Variants in TTN observed in about 807,000 individuals in gnomAD.
TTN encodes connectin.
TTN carries 1,525 observed loss-of-function variants against 3,223.0 expected under a neutral mutation model. The observed-to-expected ratio is 0.47, with a 90% confidence interval of 0.45 to 0.49. TTN has a LOEUF of 0.49. TTN is among the 20% of genes least tolerant of loss of function. The pLI is 0.00. For synonymous variants in TTN, 14,094 were observed against 15,161.0 expected, an observed-to-expected ratio of 0.93 and a Z score of 5.17; for missense variants, 40,786 against 43,424.0, an observed-to-expected ratio of 0.94 and a Z score of 5.40.
rs900772 is a variant in TTN, at chr2:178,800,113, T to C, written c.584-203A>G. 1 allele frequency among the ~76,000 whole-genome samples: 152,191 copies of C among 152,368 alleles called. 76,007 individuals are homozygous for C. Among genetic ancestry groups the C allele is most frequent in the Middle Eastern group, 1 (294 of 294 alleles). ...TTACAAGATAAAAATTTACTTAGAATGATTTTTTAAAATTTCATTATTTGC... is the reference window on the plus strand; with the variant it reads ...TTACAAGATAAAAATTTACTTAGAACGATTTTTTAAAATTTCATTATTTGC... On this transcript the variant is annotated intron_variant, in intron 4 of 362. Coordinates refer to ENST00000589042, the MANE Select transcript of TTN (RefSeq NM_001267550.2).
At chr2:178,805,466 A>G (rs1478355508) in intron 1 of TTN, among the ~76,000 whole-genome samples, 2 of 152,148 alleles carry the variant, frequency 1.3e-5, no homozygotes, top group African/African-American at 4.8e-5. Context: ...TATAAAGTTG[A>G]CATTGATTCA....
chr2:178,785,536 G>T, intron 15 of TTN, 84 bp downstream of exon 15: 1 of 1,590,476 alleles, frequency 6.3e-7, no homozygotes. Context: ...ATCCTCCATT[G>T]GCCTACCCCA....
rs781605546 is a variant in TTN at position 178,611,018 on chromosome 2, T to G, written c.51111A>C (p.Thr17037=). 2 of 1,612,464 alleles carry G rather than the reference T, an allele frequency of 1.2e-6. No homozygotes were observed. Among genetic ancestry groups the G allele is most frequent in the East Asian group, 2.2e-5 (1 of 44,740 alleles). The change falls in exon 270 of 363, where the codon ACA becomes ACC. Residue 17037 remains threonine (T), a synonymous_variant. Transcript: ENST00000589042. ...ITLENKLGSA[T]ASINVKVIGL... ...CTATGACTTTGACATTGATTGAGGC[T>G]GTTGCTGAGCCGAGCTTATTCTCCA...
intron 42 of TTN, 67 bp downstream of exon 42, chr2:178,764,460 A>G: frequency 6.2e-7 from 1 of 1,612,614 alleles, no homozygotes; most frequent in South Asian, 1.1e-5. Context: ...TTTTAAATGC[A>G]CTGGGAAAGG....
chr2:178,787,633 G>C (rs1574838763), intron 13 of TTN, among the ~76,000 whole-genome samples: 1 of 152,032 alleles, frequency 6.6e-6, no homozygotes, highest in Non-Finnish European at 1.5e-5. Context: ...AATGATAAAA[G>C]AAACTGTCAA....
At chr2:178,588,515 C>G (rs564827168) in intron 304 of TTN, 23 bp downstream of exon 304, 1 of 1,508,104 alleles carries the variant, frequency 6.6e-7, no homozygotes, top group Non-Finnish European at 8.8e-7. Context: ...GCTGTAATAT[C>G]AGAAAAAACA....
At chr2:178,751,099 C>T (rs1355187101) in intron 47 of TTN, 1 of 1,612,862 alleles carries the variant, frequency 6.2e-7, no homozygotes, top group East Asian at 2.2e-5. Context: ...GCACAATACT[C>T]TCAGCTGAAT....
chr2:178,557,797 G>A lies in TTN; in HGVS notation c.87557C>T (p.Thr29186Ile), dbSNP rs755409023. 5 of 1,613,964 alleles carry A rather than the reference G, an allele frequency of 3.1e-6. No individual in the cohort carries two copies. Among genetic ancestry groups the A allele is most frequent in the Non-Finnish European group, 4.2e-6 (5 of 1,179,850 alleles). Reference sequence around the variant, plus strand: ...TCTTGCAACTGTTGCAGACACTTCAGTCCACACTGCAGTACTTGTTTCTCT... The same window carrying A: ...TCTTGCAACTGTTGCAGACACTTCAATCCACACTGCAGTACTTGTTTCTCT... ...LKRETSTAVW[T>I]EVSATVARTM... The change falls in exon 328 of 363, where the codon ACT becomes ATT. Residue 29186 changes from threonine to isoleucine, a missense_variant. Coordinates refer to ENST00000589042, the MANE Select transcript of TTN (RefSeq NM_001267550.2).
At chr2:178,758,038 G>C in intron 44 of TTN, 122 bp from the exon 45 acceptor site, 1 of 1,068,514 alleles carries the variant, frequency 9.4e-7, no homozygotes, top group Non-Finnish European at 1.3e-6. Flanking sequence ...CACTCCTACT[G>C]CCTTGTCCTT....
intron 40 of TTN, among the ~76,000 whole-genome samples, 191 bp from the exon 41 acceptor site, chr2:178,766,803 A>G (rs1018016790): frequency 5.3e-5 from 8 of 152,200 alleles, no homozygotes; most frequent in Non-Finnish European, 1.0e-4. Flanking sequence ...TGGTACATAA[A>G]CTTCTCTTGT....
In TTN at chr2:178,592,635, G is replaced by A; in HGVS notation, c.59370C>T (p.Ala19790=). ...TAATGTGTTGTTCTCTTGCCATGTT[G>A]GCATCAAGAATCAACTCAGGGGGTT... ...RLEPPELILD[A]NMAREQHIKV... is the part of the protein sequence containing the mutation. The change falls in exon 301 of 363, where the codon GCC becomes GCT. Residue 19790 remains alanine (A), a synonymous_variant. Coordinates refer to ENST00000589042, the MANE Select transcript of TTN (RefSeq NM_001267550.2). The A allele has an allele frequency of 6.2e-7, 1 of 1,613,050 alleles. No homozygotes were observed. Among genetic ancestry groups the A allele is most frequent in the Non-Finnish European group, 8.5e-7 (1 of 1,179,490 alleles).
chr2:178,632,536 C>G lies in TTN; in HGVS notation c.43470G>C (p.Leu14490=). The G allele has an allele frequency of 6.2e-7, 1 of 1,612,742 alleles. No individual in the cohort carries two copies. Among genetic ancestry groups the G allele is most frequent in the African/African-American group, 1.3e-5 (1 of 74,986 alleles). ...EAEDKHTSGK[L]IIEGIRLKFL... ...GATAAAACTATTTACCTTCAATGAT[C>G]AGTTTGCCACTTGTGTGCTTATCTT... Residue 14490 remains leucine (L), a synonymous_variant, in exon 235 of 363, where the codon CTG becomes CTC. Coordinates refer to ENST00000589042, the MANE Select transcript of TTN (RefSeq NM_001267550.2).
Position 178,614,492 on chromosome 2 carries a change from G to C in TTN, c.49022C>G (p.Thr16341Ser). The C allele has an allele frequency of 6.2e-7, 1 of 1,609,386 alleles. No individual in the cohort carries two copies. The highest frequency in any genetic ancestry group is 8.5e-7 in the Non-Finnish European group (1 of 1,177,404). ...IEAVNVCGRA[T>S]AVVEVNVLDK... ...TAAGACGTTCACTTCCACCACAGCAGTGGCCCGGCCACACACATTCACAGC... is the reference window on the plus strand; with the variant it reads ...TAAGACGTTCACTTCCACCACAGCACTGGCCCGGCCACACACATTCACAGC... The change falls in exon 261 of 363, where the codon ACT becomes AGT. Residue 16341 changes from threonine to serine, a missense_variant. Transcript: ENST00000589042.
In TTN at chr2:178,579,361, C is replaced by A; in HGVS notation, c.67669G>T (p.Asp22557Tyr). 2 of 1,588,724 alleles carry A rather than the reference C, an allele frequency of 1.3e-6. No homozygotes were observed. Among genetic ancestry groups the A allele is most frequent in the Non-Finnish European group, 8.5e-7 (1 of 1,169,648 alleles). ...APDLDLKGLP[D>Y]LCYLAKENSN... The stretch of plus-strand genomic sequence containing the variant: ...TTTTCTTTAGCCAAGTAGCACAAAT[C>A]AGGTAGACCCTTTAAGTCAAGATCA... Residue 22557 changes from aspartate to tyrosine, a missense_variant, in exon 320 of 363, where the codon GAT becomes TAT. Transcript: ENST00000589042.
Position 178,570,891 on chromosome 2 carries a change from C to T in TTN, c.75241G>A (p.Val25081Ile). ...LVEDHRYEFRVIARNAAGVFS... is the reference protein window; with the variant it reads ...LVEDHRYEFRIIARNAAGVFS... ...ACTCCTGCGGCATTTCGGGCTATAA[C>T]CCGGAACTCATATCTGTGATCTTCA... is the stretch of plus-strand genomic sequence containing the variant. The change falls in exon 326 of 363, where the codon GTT becomes ATT. Residue 25081 changes from valine to isoleucine, a missense_variant. Physicochemically the swap from Val to Ile is conservative, Grantham distance 29. Coordinates refer to ENST00000589042, the MANE Select transcript of TTN (RefSeq NM_001267550.2). 2 of 1,613,538 alleles carry T rather than the reference C, an allele frequency of 1.2e-6. No individual in the cohort carries two copies. The highest frequency in any genetic ancestry group is 1.7e-6 in the Non-Finnish European group (2 of 1,179,612).
rs2077909849 is a variant in TTN at position 178,718,917 on chromosome 2, G to C, written c.24283C>G (p.Leu8095Val). 6.2e-7 allele frequency: 1 copy of C among 1,612,660 alleles called. No homozygotes were observed. Among genetic ancestry groups the C allele is most frequent in the Admixed American group, 1.7e-5 (1 of 59,904 alleles). ...CCTCTGATGACACTGGTGAATGTGA[G>C]GCTCATTCCAGGCAAAACTTCCACA... ...DSVEVLPGMSLTFTSVIRGTP... is the reference protein window; with the variant it reads ...DSVEVLPGMSVTFTSVIRGTP... The change falls in exon 84 of 363, where the codon CTC (leucine) becomes GTC (valine). Residue 8095 changes from leucine (L) to valine (V), a missense_variant. Leu to Val is a conservative substitution (Grantham distance 32). Transcript: ENST00000589042.
At position 178,584,985 on chromosome 2, in the gene TTN, GA is replaced by G; in HGVS notation, c.64673-18del. 1 of 1,609,124 alleles carries G rather than the reference GA, an allele frequency of 6.2e-7. No individual in the cohort carries two copies. Among genetic ancestry groups the G allele is most frequent in the South Asian group, 1.1e-5 (1 of 89,786 alleles). On this transcript the variant is annotated intron_variant, in intron 309 of 362. Coordinates refer to ENST00000589042, the MANE Select transcript of TTN (RefSeq NM_001267550.2). ...CGGGGGCATCTACATGAACCAAGAG[GA>G]AAGAAATGTAAGAACAAGGATTTGA...
Position 178,722,898 on chromosome 2 carries a change from G to A in TTN, c.22001C>T (p.Ala7334Val). The stretch of plus-strand genomic sequence containing the variant: ...TAAAGAAACCGAATCTCCAACTGCT[G>A]CCTCCAGAGGTTCCAGTTCCGTAAC... ...YFVTELEPLEAAVGDSVSLQC... is the reference protein window; with the variant it reads ...YFVTELEPLEVAVGDSVSLQC... The change falls in exon 76 of 363, where the codon GCA (alanine) becomes GTA (valine). Residue 7334 changes from alanine (A) to valine (V), a missense_variant. Coordinates refer to ENST00000589042, the MANE Select transcript of TTN (RefSeq NM_001267550.2). The A allele has an allele frequency of 6.2e-7, 1 of 1,612,708 alleles. No individual in the cohort carries two copies. Among genetic ancestry groups the A allele is most frequent in the Non-Finnish European group, 8.5e-7 (1 of 1,179,236 alleles).
rs773851457 is a variant in TTN at position 178,572,068 on chromosome 2, A to C, written c.74064T>G (p.Arg24688=). 6.2e-7 allele frequency: 1 copy of C among 1,613,272 alleles called. No homozygotes were observed. The highest frequency in any genetic ancestry group is 8.5e-7 in the Non-Finnish European group (1 of 1,179,568). ...TGCCCTTTTCATTCTGAGCTGAAAC[A>C]CGGAAAGAGTATTCTTCACCCTGAA... The part of the protein sequence containing the change: ...GLIQGEEYSF[R]VSAQNEKGIS... Residue 24688 remains arginine (R), a synonymous_variant, in exon 326 of 363, where the codon CGT becomes CGG. Transcript: ENST00000589042.
Sources: gnomAD v4.1 joint callset for allele counts (sites outside exome capture counted in the v4.1 genomes callset) on GRCh38, gnomAD v4.1.1 for gene constraint, MANE v1.5 for transcripts, NCBI Gene and HGNC (gene_info 2026-07-23, HGNC 2026-07-21) for gene names.